HPCAL1: variants seen among roughly 807,000 people sequenced by gnomAD.
The protein encoded by HPCAL1 is hippocalcin-like protein 1.
Under a neutral mutation model 17.1 loss-of-function variants are expected in HPCAL1, and 8 were observed. The observed-to-expected ratio is 0.47, with a 90% CI of 0.27 to 0.84. The LOEUF (loss-of-function observed/expected upper bound fraction) is 0.84, where lower values mean the gene tolerates loss of function less well. HPCAL1 is among the 40% of genes least tolerant of loss of function. The pLI is 0.13. For missense variants in HPCAL1, 165 were observed against 271.1 expected (o/e 0.61, Z 2.75); for synonymous variants, 112 against 111.4 (o/e 1.01, Z -0.03).
Position 10,423,047 on chromosome 2 carries a change from G to A in HPCAL1, c.443G>A (p.Arg148His), listed in dbSNP as rs1055497192. The change falls in exon 4 of 5, where the codon CGC (arginine) becomes CAC (histidine). Residue 148 changes from arginine to histidine, a missense_variant. Coordinates refer to ENST00000307845, the MANE Select transcript of HPCAL1 (RefSeq NM_002149.4). ...MPEDESTPEK[R>H]TDKIFRQMDT... ...GAGGATGAGTCCACCCCGGAGAAGC[G>A]CACAGACAAGATCTTCAGGCAGATG... 3 of 1,613,496 alleles carry A rather than the reference G, an allele frequency of 1.9e-6. No individual in the cohort carries two copies. Among genetic ancestry groups the A allele is most frequent in the Non-Finnish European group, 1.7e-6 (2 of 1,179,858 alleles).
At chr2:10,355,771 CT>C (rs922309061) in intron 1 of HPCAL1, among the ~76,000 whole-genome samples, 40 of 148,556 alleles carry the variant, frequency 2.7e-4, no homozygotes, top group African/African-American at 5.2e-4. Flanking sequence ...GAGATGGACA[CT>C]TTTTTTTTTT....
Position 10,419,643 on chromosome 2 carries a change from C to T in HPCAL1, c.-24-91C>T, listed in dbSNP as rs142968183. ...GAGTTGCTGAGTCGCAGCGCTTGCA[C>T]AGCGATGGGCTTATTTGGTCTCTCC... On this transcript the variant is annotated intron_variant, in intron 2 of 4. Coordinates refer to ENST00000307845, the MANE Select transcript of HPCAL1 (RefSeq NM_002149.4). The surrounding 1 kb of genome is among the most constrained non-coding windows in gnomAD (Gnocchi z 5.0). 1,032 of 1,296,226 alleles carry T rather than the reference C, an allele frequency of 8.0e-4. 9 individuals are homozygous for T. The African/African-American group carries it at 0.014, about 18-fold the overall frequency. The allele number at this position is 1,296,226 out of a possible 1,614,324, so 80.3% of individuals were successfully genotyped here.
intron 1 of HPCAL1, among the ~76,000 whole-genome samples, chr2:10,306,092 T>C (rs978990327): frequency 3.3e-5 from 5 of 152,196 alleles, no homozygotes; most frequent in African/African-American, 9.7e-5. Flanking sequence ...CATGAACCAG[T>C]GATAATCCAG....
chr2:10,386,165 C>G (rs538399412), intron 1 of HPCAL1, among the ~76,000 whole-genome samples: 1 of 152,324 alleles, frequency 6.6e-6, no homozygotes, highest in East Asian at 1.9e-4. Context: ...TCCCTGATGT[C>G]GGTTTAGACA....
intron 1 of HPCAL1, among the ~76,000 whole-genome samples, chr2:10,373,572 GT>G (rs1028517357): frequency 3.3e-5 from 5 of 151,714 alleles, no homozygotes; most frequent in Admixed American, 2.6e-4. Context: ...CTGGGCTGAG[GT>G]TTTTTTTTGT....
At position 10,304,795 on chromosome 2, in the gene HPCAL1, C is replaced by A. The variant is rs1297090487; in HGVS notation, c.-111+1618C>A. Among the ~76,000 whole-genome samples, 5 of 152,140 alleles carry A rather than the reference C, an allele frequency of 3.3e-5. No individual in the cohort carries two copies. The highest frequency in any genetic ancestry group is 3.3e-4 in the Admixed American group (5 of 15,276). On this transcript the variant is annotated intron_variant, in intron 1 of 4. Coordinates refer to ENST00000307845, the MANE Select transcript of HPCAL1 (RefSeq NM_002149.4). The surrounding 1 kb of genome is among the most constrained non-coding windows in gnomAD (Gnocchi z 4.1). ...GTGTCTTTCTCTGGGGGAAAAAAAT[C>A]GCCTTTAACCAAGGGAGCCAAGATC...
At chr2:10,360,702 C>T (rs568090448) in intron 1 of HPCAL1, among the ~76,000 whole-genome samples, 6 of 152,288 alleles carry the variant, frequency 3.9e-5, no homozygotes, top group South Asian at 4.1e-4. Flanking sequence ...CCATGCCGCC[C>T]GGCCTTACCT....
intron 1 of HPCAL1, among the ~76,000 whole-genome samples, chr2:10,341,270 G>A (rs1054456750): frequency 5.3e-5 from 8 of 151,898 alleles, no homozygotes; most frequent in African/African-American, 1.9e-4. Flanking sequence ...AACCATCCTG[G>A]GCAACACGGT....
At chr2:10,320,434 G>A (rs909523007) in intron 1 of HPCAL1, among the ~76,000 whole-genome samples, 1 of 152,118 alleles carries the variant, frequency 6.6e-6, no homozygotes, top group African/African-American at 2.4e-5. Flanking sequence ...ACCTCCCCCT[G>A]CTCTCCCTTC....
At chr2:10,391,086 G>T (rs1444238796) in intron 1 of HPCAL1, among the ~76,000 whole-genome samples, 1 of 152,344 alleles carries the variant, frequency 6.6e-6, no homozygotes, top group Admixed American at 6.5e-5. Context: ...CTTCTCAAAG[G>T]TGGGGACGCT....
In HPCAL1 at chr2:10,359,339, C is replaced by T. The variant is rs574976017; in HGVS notation, c.-110-37496C>T. Among the ~76,000 whole-genome samples, 5 of 152,242 alleles carry T rather than the reference C, an allele frequency of 3.3e-5. No individual in the cohort carries two copies. The highest frequency in any genetic ancestry group is 2.1e-4 in the South Asian group (1 of 4,822). ...TGCGGCTGGCATGGGTTAGTGGCTC[C>T]GTGTCACCTGGTTCCTCTCACCTCT... On this transcript the variant is annotated intron_variant, in intron 1 of 4. Transcript: ENST00000307845. The surrounding 1 kb of genome is among the most constrained non-coding windows in gnomAD (Gnocchi z 4.1).
chr2:10,324,177 T>G, intron 1 of HPCAL1, among the ~76,000 whole-genome samples: 1 of 152,238 alleles, frequency 6.6e-6, no homozygotes, highest in Non-Finnish European at 1.5e-5. Flanking sequence ...ATAAATTAAA[T>G]GCAAATACTG....
intron 1 of HPCAL1, among the ~76,000 whole-genome samples, chr2:10,388,049 C>G (rs1668436185): frequency 6.6e-6 from 1 of 152,170 alleles, no homozygotes. Flanking sequence ...CCTCAGCCCC[C>G]AGAGGACAAT....
chr2:10,399,376 C>T (rs1260363270), intron 2 of HPCAL1, among the ~76,000 whole-genome samples: 13 of 60,174 alleles, frequency 2.2e-4, no homozygotes, highest in Admixed American at 1.0e-3. Flanking sequence ...ATCATCACCA[C>T]CACCACCACC....
chr2:10,331,444 A>G lies in HPCAL1; in HGVS notation c.-111+28267A>G, dbSNP rs1664371655. Among the ~76,000 whole-genome samples the G allele has an allele frequency of 6.6e-6, 1 of 152,178 alleles. No homozygotes were observed. On this transcript the variant is annotated intron_variant, in intron 1 of 4. Coordinates refer to ENST00000307845, the MANE Select transcript of HPCAL1 (RefSeq NM_002149.4). The surrounding 1 kb of genome is among the most constrained non-coding windows in gnomAD (Gnocchi z 5.0). The stretch of plus-strand genomic sequence containing the variant: ...CCTTTCTTCATGTCCCTTGTCCCAC[A>G]GGACACCGTTTCTGAACCCAGGAGA...
At chr2:10,399,492 A>G (rs1380171564) in intron 2 of HPCAL1, among the ~76,000 whole-genome samples, 4 of 140,300 alleles carry the variant, frequency 2.9e-5, no homozygotes, top group South Asian at 2.3e-4. Flanking sequence ...CATCACCGCC[A>G]CCATCACCAT....
At chr2:10,375,639 G>C (rs573032275) in intron 1 of HPCAL1, among the ~76,000 whole-genome samples, 178 of 152,362 alleles carry the variant, frequency 1.2e-3, no homozygotes, top group Middle Eastern at 3.4e-3. Context: ...GTTAGCAGCT[G>C]TGTGACCTGG....
At chr2:10,371,787 G>T (rs1032386165) in intron 1 of HPCAL1, among the ~76,000 whole-genome samples, 2 of 152,164 alleles carry the variant, frequency 1.3e-5, no homozygotes, top group African/African-American at 4.8e-5. Flanking sequence ...CAAGAACCTC[G>T]CTGTCAGGGG....
At chr2:10,326,411 G>T (rs893796699) in intron 1 of HPCAL1, among the ~76,000 whole-genome samples, 1 of 152,232 alleles carries the variant, frequency 6.6e-6, no homozygotes, top group Non-Finnish European at 1.5e-5. Flanking sequence ...GAGCCCTGTG[G>T]CTGGGCCTGC....
Sources: allele counts gnomAD v4.1 joint callset (sites outside exome capture counted in the v4.1 genomes callset), GRCh38; gene constraint gnomAD v4.1.1; non-coding constraint Gnocchi (gnomAD v3.1); transcripts MANE v1.5; gene names NCBI Gene and HGNC (gene_info 2026-07-23, HGNC 2026-07-21).